Variants in EXOC4 observed in about 807,000 individuals in gnomAD.
EXOC4 encodes SEC8-like 1.
Under a neutral mutation model 107.2 loss-of-function variants are expected in EXOC4, and 71 were observed. That is an observed-to-expected ratio of 0.66 (90% CI 0.55 to 0.81). The LOEUF is 0.81. EXOC4 is among the 30% of genes least tolerant of loss of function. The pLI is 0.00. For synonymous variants in EXOC4, 456 were observed against 441.2 expected (o/e 1.03, Z -0.42); for missense variants, 1,108 against 1,189.6 (o/e 0.93, Z 1.01).
At chr7:134,092,473 G>A in the EXOC4 span, among the ~76,000 whole-genome samples, 11 of 152,042 alleles carry the variant, frequency 7.2e-5, no homozygotes, top group African/African-American at 2.2e-4. Flanking sequence ...AGGAACTCAT[G>A]TCTAAAGAGT....
chr7:133,628,055 CT>C (rs1802499706), intron 9 of EXOC4, among the ~76,000 whole-genome samples: 1 of 148,336 alleles, frequency 6.7e-6, no homozygotes, highest in Admixed American at 6.7e-5. Flanking sequence ...ATACAAAGAA[CT>C]ATACTCAGAA....
At chr7:133,433,035 T>C (rs1797890485) in intron 7 of EXOC4, among the ~76,000 whole-genome samples, 1 of 152,242 alleles carries the variant, frequency 6.6e-6, no homozygotes, top group Non-Finnish European at 1.5e-5. Context: ...ACAGTTTTTT[T>C]CTGCTTAATT....
At chr7:133,728,698 T>C (rs1307936765) in intron 10 of EXOC4, among the ~76,000 whole-genome samples, 1 of 152,206 alleles carries the variant, frequency 6.6e-6, no homozygotes, top group Admixed American at 6.5e-5. Context: ...CATTTCATTA[T>C]TAGTTGGCCA....
rs531665524 is a variant in EXOC4, at chr7:133,565,041, G to A, written c.1418-65004G>A. On this transcript the variant is annotated intron_variant, in intron 9 of 17. Transcript: ENST00000253861. ...TGGTGAATAGTGGTGTTGGGATGTCGAGTTTTAGTTAGAGTTAGAATTAGA... is the reference window on the plus strand; with the variant it reads ...TGGTGAATAGTGGTGTTGGGATGTCAAGTTTTAGTTAGAGTTAGAATTAGA... 9.2e-5 allele frequency among the ~76,000 whole-genome samples: 14 copies of A among 152,264 alleles called. No homozygotes were observed. In the South Asian group the frequency reaches 2.5e-3, roughly 27 times the overall value.
intron 9 of EXOC4, among the ~76,000 whole-genome samples, chr7:133,549,271 C>T (rs763149837): frequency 2.0e-5 from 3 of 152,234 alleles, no homozygotes; most frequent in Non-Finnish European, 4.4e-5. Flanking sequence ...GGATTACAGG[C>T]ATGAGCAACC....
chr7:133,809,989 G>C (rs1285717027), intron 10 of EXOC4, among the ~76,000 whole-genome samples: 1 of 152,116 alleles, frequency 6.6e-6, no homozygotes, highest in Non-Finnish European at 1.5e-5. Context: ...CGCATTTTTA[G>C]CAAGAGTAAC....
the EXOC4 span, among the ~76,000 whole-genome samples, chr7:134,090,100 C>A: frequency 6.6e-6 from 1 of 152,188 alleles, no homozygotes; most frequent in African/African-American, 2.4e-5. Flanking sequence ...ACTTTTCTGA[C>A]AACGTATTTG....
At chr7:133,644,254 G>A (rs749304269) in intron 10 of EXOC4, among the ~76,000 whole-genome samples, 1 of 152,218 alleles carries the variant, frequency 6.6e-6, no homozygotes, top group Non-Finnish European at 1.5e-5. Context: ...CTCTACAGAA[G>A]TCAGACTATT....
At chr7:133,576,932 C>G in intron 9 of EXOC4, 1 of 1,187,846 alleles carries the variant, frequency 8.4e-7, no homozygotes, top group Non-Finnish European at 1.1e-6. Flanking sequence ...CTCTTATTCA[C>G]TGCATGTGTG....
rs545884376 is a variant in EXOC4 at position 133,653,933 on chromosome 7, A to G, written c.1514+23792A>G. 2.6e-5 allele frequency among the ~76,000 whole-genome samples: 4 copies of G among 152,306 alleles called. No homozygotes were observed. The East Asian group carries it at 7.7e-4, about 29-fold the overall frequency. On this transcript the variant is annotated intron_variant, in intron 10 of 17. Coordinates refer to ENST00000253861, the MANE Select transcript of EXOC4 (RefSeq NM_021807.4). Reference sequence around the variant, plus strand: ...ATTCTGTTTCTGTTGGCCAAGGTGAATAGGACACAAGAAAGTCTAACTACA... The same window carrying G: ...ATTCTGTTTCTGTTGGCCAAGGTGAGTAGGACACAAGAAAGTCTAACTACA...
intron 10 of EXOC4, among the ~76,000 whole-genome samples, chr7:133,746,821 T>C (rs1472524528): frequency 6.6e-6 from 1 of 152,200 alleles, no homozygotes; most frequent in African/African-American, 2.4e-5. Context: ...TGATTCCTCA[T>C]TCAACTGCCA....
At chr7:133,785,465 A>G (rs1396777510) in intron 10 of EXOC4, among the ~76,000 whole-genome samples, 1 of 152,056 alleles carries the variant, frequency 6.6e-6, no homozygotes, top group Non-Finnish European at 1.5e-5. Flanking sequence ...ACTTTGTAAT[A>G]TAGGGATAGA....
chr7:133,609,165 A>C (rs1802020969), intron 9 of EXOC4, among the ~76,000 whole-genome samples: 1 of 152,192 alleles, frequency 6.6e-6, no homozygotes, highest in Non-Finnish European at 1.5e-5. Flanking sequence ...GGGGAACTGT[A>C]ATTATACATT....
intron 7 of EXOC4, among the ~76,000 whole-genome samples, chr7:133,467,630 T>A (rs1798764078): frequency 6.7e-6 from 1 of 150,336 alleles, no homozygotes; most frequent in African/African-American, 2.4e-5. Context: ...GTCAGTGTAC[T>A]CCCTTTCCAG....
At chr7:133,880,737 A>G (rs1167536377) in intron 11 of EXOC4, among the ~76,000 whole-genome samples, 1 of 152,236 alleles carries the variant, frequency 6.6e-6, no homozygotes, top group Non-Finnish European at 1.5e-5. Flanking sequence ...AGCCTCATAA[A>G]GAGACAGCTG....
intron 5 of EXOC4, among the ~76,000 whole-genome samples, chr7:133,344,872 A>T (rs1795749980): frequency 6.6e-6 from 1 of 151,558 alleles, no homozygotes; most frequent in Admixed American, 6.6e-5. Context: ...GCCTTCTGGC[A>T]GATCAGGGAC....
At chr7:133,336,053 G>T (rs1001769507) in intron 5 of EXOC4, among the ~76,000 whole-genome samples, 1 of 152,054 alleles carries the variant, frequency 6.6e-6, no homozygotes, top group Admixed American at 6.6e-5. Flanking sequence ...TTTTGTTTCC[G>T]TTGAGTGGCA....
At chr7:133,393,470 T>A (rs1343643496) in intron 7 of EXOC4, among the ~76,000 whole-genome samples, 1 of 152,188 alleles carries the variant, frequency 6.6e-6, no homozygotes, top group Non-Finnish European at 1.5e-5. Flanking sequence ...ATCTATTGAT[T>A]GATTTAAGAT....
chr7:133,366,612 G>A (rs969456592), intron 6 of EXOC4, among the ~76,000 whole-genome samples: 1 of 151,984 alleles, frequency 6.6e-6, no homozygotes, highest in Non-Finnish European at 1.5e-5. Context: ...ATTTTTTATT[G>A]TGGGCTTCTA....
Sources: gnomAD v4.1 joint callset for allele counts (sites outside exome capture counted in the v4.1 genomes callset) on GRCh38, gnomAD v4.1.1 for gene constraint, MANE v1.5 for transcripts, NCBI Gene and HGNC (gene_info 2026-07-23, HGNC 2026-07-21) for gene names.